AKAP13: variants seen among roughly 807,000 people sequenced by gnomAD.
The protein encoded by AKAP13 is A-kinase anchoring protein 13, also known as A-kinase anchor protein 13.
Under a neutral mutation model 264.5 loss-of-function variants are expected in AKAP13, and 80 were observed. The observed-to-expected ratio is 0.30, with a 90% CI of 0.25 to 0.36. The LOEUF (loss-of-function observed/expected upper bound fraction) is 0.36, where lower values mean the gene tolerates loss of function less well. AKAP13 is among the 10% of genes least tolerant of loss of function. AKAP13 has a pLI of 1.00. For synonymous variants in AKAP13, 1,380 were observed against 1,250.2 expected, an observed-to-expected ratio of 1.10 and a Z score of -2.19; for missense variants, 3,712 against 3,435.2, an observed-to-expected ratio of 1.08 and a Z score of -2.01.
chr15:85,685,386 C>A (rs1261726151), intron 16 of AKAP13: 3 of 152,124 alleles, frequency 2.0e-5, no homozygotes, highest in Non-Finnish European at 4.4e-5. Flanking sequence ...AATATGATTT[C>A]TTAGATCTAT....
At chr15:85,538,169 C>A (rs1167366801) in intron 4 of AKAP13, among the ~76,000 whole-genome samples, 1 of 152,118 alleles carries the variant, frequency 6.6e-6, no homozygotes, top group East Asian at 1.9e-4. Flanking sequence ...GCATAACTCC[C>A]AGGTAATGTA....
At chr15:85,583,077 G>A in intron 7 of AKAP13, 4 of 985,478 alleles carry the variant, frequency 4.1e-6, no homozygotes, top group Non-Finnish European at 4.8e-6. Flanking sequence ...GTCTTTAAAG[G>A]TCAGTTTGAT....
chr15:85,737,925 C>T (rs532816669), intron 33 of AKAP13, among the ~76,000 whole-genome samples: 2 of 152,202 alleles, frequency 1.3e-5, no homozygotes, highest in African/African-American at 4.8e-5. Flanking sequence ...AGGCGTGAGT[C>T]ACTGCTCCTG....
chr15:85,611,298 C>T (rs1266922368), intron 8 of AKAP13, among the ~76,000 whole-genome samples: 1 of 152,200 alleles, frequency 6.6e-6, no homozygotes. Flanking sequence ...TACCATGGCT[C>T]TGCTCAGATA....
intron 10 of AKAP13, 57 bp from the exon 11 acceptor site, chr15:85,655,358 CTG>C: frequency 6.4e-7 from 1 of 1,561,018 alleles, no homozygotes; most frequent in Non-Finnish European, 8.7e-7. Context: ...TCTAGAATAA[CTG>C]AGGCTATCTG....
At chr15:85,561,010 A>G (rs562583437) in intron 5 of AKAP13, among the ~76,000 whole-genome samples, 92 of 149,544 alleles carry the variant, frequency 6.2e-4, no homozygotes, top group African/African-American at 2.1e-3. Context: ...ACCTCTAGAG[A>G]TTTTGATTTG....
At chr15:85,737,220 A>G (rs2088603723) in intron 33 of AKAP13, among the ~76,000 whole-genome samples, 1 of 151,956 alleles carries the variant, frequency 6.6e-6, no homozygotes, top group South Asian at 2.1e-4. Flanking sequence ...GCGCCCAGCC[A>G]TATCTTCTTC....
At chr15:85,511,646 T>A (rs933264403) in intron 2 of AKAP13, among the ~76,000 whole-genome samples, 1 of 152,110 alleles carries the variant, frequency 6.6e-6, no homozygotes, top group Non-Finnish European at 1.5e-5. Flanking sequence ...ATTGTTAATT[T>A]GAGAGACAAG....
At chr15:85,648,089 A>G (rs984644453) in intron 10 of AKAP13, among the ~76,000 whole-genome samples, 1 of 152,200 alleles carries the variant, frequency 6.6e-6, no homozygotes, top group African/African-American at 2.4e-5. Context: ...TTTTAATTGT[A>G]AGGAATTCTG....
At chr15:85,497,163 A>G (rs4360875) in intron 2 of AKAP13, among the ~76,000 whole-genome samples, 77,728 of 152,008 alleles carry the variant, frequency 0.51, 20,430 homozygotes, top group Middle Eastern at 0.62. Context: ...CTGTCCAAGA[A>G]AGATTAAAAT....
intron 1 of AKAP13, among the ~76,000 whole-genome samples, chr15:85,471,157 AAAGAACTGTTGAATTGTTTG>A (rs2074946250): frequency 6.6e-6 from 1 of 152,200 alleles, no homozygotes; most frequent in South Asian, 2.1e-4. Flanking sequence ...ACAGCATTAT[AAAGAACTGTTGAATTGTTTG>A]AAGATATTTT....
At chr15:85,670,871 C>T (rs746710614) in intron 14 of AKAP13, 3 of 152,106 alleles carry the variant, frequency 2.0e-5, no homozygotes, top group Admixed American at 1.3e-4. Flanking sequence ...CATCCATAAG[C>T]GCAGGGCCTT....
chr15:85,698,571 T>C (rs142432928), intron 17 of AKAP13, among the ~76,000 whole-genome samples: 2 of 151,988 alleles, frequency 1.3e-5, no homozygotes, highest in African/African-American at 4.8e-5. Context: ...GCCCATCAGG[T>C]CTTTGTCATG....
intron 30 of AKAP13, among the ~76,000 whole-genome samples, chr15:85,733,844 GT>G (rs1440762698): frequency 7.5e-6 from 1 of 134,208 alleles, no homozygotes; most frequent in Admixed American, 7.3e-5. Context: ...GTTCTTTCAT[GT>G]CTTTTGTCAT....
intron 15 of AKAP13, among the ~76,000 whole-genome samples, chr15:85,682,834 A>G (rs2084670711): frequency 6.6e-6 from 1 of 151,974 alleles, no homozygotes; most frequent in South Asian, 2.1e-4. Context: ...TGCCCAGCTA[A>G]TTTTGTATTT....
chr15:85,544,701 A>G (rs116339363), intron 5 of AKAP13, among the ~76,000 whole-genome samples: 1,944 of 152,372 alleles, frequency 0.013, 43 homozygotes, highest in African/African-American at 0.044. Context: ...TATATAAAGA[A>G]GTTTCAAGAA....
At chr15:85,669,610 C>G (rs1396063990) in intron 13 of AKAP13, 112 bp from the exon 14 acceptor site, 11 of 725,676 alleles carry the variant, frequency 1.5e-5, no homozygotes, top group Non-Finnish European at 2.1e-5. Context: ...TGCTCTCACC[C>G]GCTTCTTCAC....
intron 5 of AKAP13, among the ~76,000 whole-genome samples, chr15:85,553,477 G>A (rs887002058): frequency 3.9e-5 from 6 of 152,032 alleles, no homozygotes; most frequent in Admixed American, 6.5e-5. Context: ...TTATCTAGCC[G>A]GTGCACTATC....
intron 1 of AKAP13, among the ~76,000 whole-genome samples, chr15:85,407,313 C>T (rs568569616): frequency 2.0e-5 from 3 of 150,450 alleles, no homozygotes; most frequent in East Asian, 3.9e-4. Context: ...CTGCAACCTC[C>T]GCCTCCTGGG....
Sources: gnomAD v4.1 joint callset for allele counts (sites outside exome capture counted in the v4.1 genomes callset) on GRCh38, gnomAD v4.1.1 for gene constraint, MANE v1.5 for transcripts, NCBI Gene and HGNC (gene_info 2026-07-23, HGNC 2026-07-21) for gene names.